The following STK24 variants were observed in gnomAD, a reference collection of about 807,000 sequenced individuals.
The protein encoded by STK24 is serine/threonine-protein kinase 24.
In STK24, 21 loss-of-function variants were observed where a neutral mutation model predicts 55.6. The ratio of observed to expected loss-of-function variants is 0.38; its 90% confidence interval spans 0.27 to 0.54. The LOEUF (loss-of-function observed/expected upper bound fraction) is 0.54, where lower values mean the gene tolerates loss of function less well. Among genes scored for constraint, STK24 ranks in the 20% least tolerant of loss-of-function variants. The pLI is 0.79. For missense variants in STK24, 383 were observed against 538.4 expected (o/e 0.71, Z 2.86); for synonymous variants, 200 against 215.2 (o/e 0.93, Z 0.62).
intron 3 of STK24, among the ~76,000 whole-genome samples, chr13:98,480,586 C>A (rs116422578): frequency 2.0e-5 from 3 of 152,100 alleles, no homozygotes; most frequent in African/African-American, 7.2e-5. Flanking sequence ...TGAAATCTCC[C>A]TTTTTAATAC....
chr13:98,548,994 G>A (rs1474204240), intron 1 of STK24, among the ~76,000 whole-genome samples: 3 of 152,234 alleles, frequency 2.0e-5, no homozygotes, highest in African/African-American at 4.8e-5. Context: ...AGTGCCCCGG[G>A]GTAGGACAAT....
chr13:98,520,399 T>C (rs60492361), intron 1 of STK24, among the ~76,000 whole-genome samples: 28,885 of 152,146 alleles, frequency 0.19, 3,005 homozygotes, highest in Non-Finnish European at 0.24. Context: ...GAGACACCAC[T>C]GCTGCAGACA....
chr13:98,546,344 C>T (rs552057724), intron 1 of STK24, among the ~76,000 whole-genome samples: 2 of 151,960 alleles, frequency 1.3e-5, no homozygotes, highest in East Asian at 3.9e-4. Context: ...CCCTTACTTT[C>T]AAAAGCCTTC....
chr13:98,515,164 A>AG (rs901757589), intron 2 of STK24, among the ~76,000 whole-genome samples: 2 of 151,884 alleles, frequency 1.3e-5, no homozygotes, highest in African/African-American at 4.8e-5. Flanking sequence ...TGGTGCACAG[A>AG]GAAAAAACAG....
chr13:98,472,923 C>CCTG lies in STK24; in HGVS notation c.597+1897_597+1898insCAG, dbSNP rs1437008069. ...CTCAGCTTGCATCTCAACTAGAACG[C>CCTG]CATCCTGCCAGGGCCCAACCCTGAA... is the stretch of plus-strand genomic sequence containing the variant. On this transcript the variant is annotated intron_variant, in intron 5 of 10. Transcript: ENST00000539966. 3.3e-5 allele frequency among the ~76,000 whole-genome samples: 5 copies of CCTG among 152,194 alleles called. No individual in the cohort carries two copies. In the East Asian group the frequency reaches 7.8e-4, roughly 24 times the overall value.
chr13:98,537,043 G>C (rs938591096), intron 1 of STK24, among the ~76,000 whole-genome samples: 21 of 152,232 alleles, frequency 1.4e-4, no homozygotes, highest in African/African-American at 4.3e-4. Context: ...AGATGAGAAG[G>C]GGAGGCTTGG....
intron 5 of STK24, among the ~76,000 whole-genome samples, chr13:98,470,464 G>A (rs1894100478): frequency 6.6e-6 from 1 of 152,224 alleles, no homozygotes; most frequent in Non-Finnish European, 1.5e-5. Context: ...TTTATGTGGG[G>A]AGCAGGCAGT....
chr13:98,446,552 C>A lies in STK24; in HGVS notation c.*6621G>T. 2 of 1,117,036 alleles carry A rather than the reference C, an allele frequency of 1.8e-6. No individual in the cohort carries two copies. Among genetic ancestry groups the A allele is most frequent in the Non-Finnish European group, 2.6e-6 (2 of 757,330 alleles). 69.2% of individuals were successfully genotyped at this position (1,117,036 alleles called of 1,614,324 possible). A position where few individuals can be genotyped will look rare whatever the true frequency, so the allele number is the denominator to read the frequency against. On this transcript the variant is annotated 3_prime_UTR_variant, in exon 11 of 11. Coordinates refer to ENST00000539966, the MANE Select transcript of STK24 (RefSeq NM_001032296.4). ...TGCCATGGTCCCTTCCAGGCCCACGCCCGAGGAGGGAGCTGCCTGGGCTCC... is the reference window on the plus strand; with the variant it reads ...TGCCATGGTCCCTTCCAGGCCCACGACCGAGGAGGGAGCTGCCTGGGCTCC...
At chr13:98,562,453 C>T (rs2139453439) in intron 1 of STK24, among the ~76,000 whole-genome samples, 1 of 152,274 alleles carries the variant, frequency 6.6e-6, no homozygotes, top group South Asian at 2.1e-4. Flanking sequence ...ATCACAAGTC[C>T]TCCAGCAGAA....
intron 1 of STK24, among the ~76,000 whole-genome samples, chr13:98,544,754 A>G (rs1452818800): frequency 6.6e-6 from 1 of 152,284 alleles, no homozygotes; most frequent in Non-Finnish European, 1.5e-5. Context: ...GAGGGGAAAC[A>G]TTTCAGAAAA....
At chr13:98,523,390 T>A (rs1472365382) in intron 1 of STK24, among the ~76,000 whole-genome samples, 2 of 152,220 alleles carry the variant, frequency 1.3e-5, no homozygotes, top group South Asian at 4.1e-4. Flanking sequence ...CACCCATAAA[T>A]CCCACCTCTC....
At chr13:98,466,830 C>T (rs562702325) in intron 5 of STK24, among the ~76,000 whole-genome samples, 5 of 152,204 alleles carry the variant, frequency 3.3e-5, no homozygotes, top group African/African-American at 4.8e-5. Context: ...CGGCATTCCC[C>T]GTGGAGTCCC....
intron 1 of STK24, among the ~76,000 whole-genome samples, chr13:98,536,556 C>T (rs933775900): frequency 6.6e-6 from 1 of 151,888 alleles, no homozygotes; most frequent in Non-Finnish European, 1.5e-5. Context: ...TTTGTAGAGA[C>T]GGGGTCTATG....
chr13:98,574,314 C>T (rs1897819949), intron 1 of STK24, among the ~76,000 whole-genome samples: 1 of 152,212 alleles, frequency 6.6e-6, no homozygotes, highest in African/African-American at 2.4e-5. Flanking sequence ...TAAGCCAACT[C>T]CTTATAAGCC....
At chr13:98,561,602 C>G (rs1393462767) in intron 1 of STK24, among the ~76,000 whole-genome samples, 2 of 151,740 alleles carry the variant, frequency 1.3e-5, no homozygotes, top group African/African-American at 2.4e-5. Flanking sequence ...AGAAAGAAAG[C>G]AGCAAGGTTA....
At chr13:98,455,541 G>A (rs1173408248) in intron 10 of STK24, 1 of 152,268 alleles carries the variant, frequency 6.6e-6, no homozygotes, top group Non-Finnish European at 1.5e-5. Flanking sequence ...ACATCCAGCA[G>A]AAAACATAAA....
chr13:98,537,886 C>A (rs994484622), intron 1 of STK24, among the ~76,000 whole-genome samples: 13 of 152,128 alleles, frequency 8.5e-5, no homozygotes, highest in African/African-American at 2.9e-4. Context: ...AGAGTACCCA[C>A]AACACAGGGC....
chr13:98,524,349 C>T (rs968791579), intron 1 of STK24, among the ~76,000 whole-genome samples: 4 of 152,118 alleles, frequency 2.6e-5, no homozygotes, highest in Non-Finnish European at 4.4e-5. Flanking sequence ...CAAGGGACCC[C>T]GCAGTGTTCG....
intron 2 of STK24, among the ~76,000 whole-genome samples, chr13:98,491,186 C>G (rs1895017031): frequency 6.6e-6 from 1 of 152,246 alleles, no homozygotes; most frequent in African/African-American, 2.4e-5. Context: ...CCCACCGGAC[C>G]TACACCCCTT....
Sources: gnomAD v4.1 joint callset for allele counts (sites outside exome capture counted in the v4.1 genomes callset) on GRCh38, gnomAD v4.1.1 for gene constraint, MANE v1.5 for transcripts, NCBI Gene and HGNC (gene_info 2026-07-23, HGNC 2026-07-21) for gene names.